NRXN3: variants seen among roughly 807,000 people sequenced by gnomAD.
NRXN3 encodes the protein neurexin 3, also known as neurexin III.
In NRXN3, 32 loss-of-function variants were observed where a neutral mutation model predicts 137.6. That is an observed-to-expected ratio of 0.23 (90% CI 0.18 to 0.31). The LOEUF (loss-of-function observed/expected upper bound fraction) is 0.31, where lower values mean the gene tolerates loss of function less well. NRXN3 is among the 10% of genes least tolerant of loss of function. The pLI is 1.00. For missense variants in NRXN3, 1,574 were observed against 2,062.5 expected (o/e 0.76, Z 4.59); for synonymous variants, 798 against 784.5 (o/e 1.02, Z -0.29).
chr14:78,279,569 A>C (rs995048444), intron 3 of NRXN3: 5 of 152,154 alleles, frequency 3.3e-5, no homozygotes, highest in Admixed American at 1.3e-4. Flanking sequence ...ATACGAGATA[A>C]GTATCATTAT....
intron 15 of NRXN3, among the ~76,000 whole-genome samples, chr14:79,215,390 GGT>G (rs981135727): frequency 2.1e-5 from 3 of 144,762 alleles, no homozygotes; most frequent in Non-Finnish European, 3.0e-5. Flanking sequence ...GTGGAGTTGG[GGT>G]GTGTGTGTGT....
intron 1 of NRXN3, among the ~76,000 whole-genome samples, chr14:78,196,180 C>T (rs902872172): frequency 1.1e-4 from 17 of 152,334 alleles, no homozygotes; most frequent in African/African-American, 3.6e-4. Context: ...CCTTCATCTC[C>T]GAGTACTGCC....
In NRXN3 at chr14:78,803,676, G is replaced by A; in HGVS notation, c.2101G>A (p.Val701Ile). Residue 701 changes from valine (V) to isoleucine (I), a missense_variant, in exon 9 of 21, where the codon GTC (valine) becomes ATC (isoleucine). By Grantham distance (29) the Val-to-Ile change is conservative (BLOSUM62 3). Around this residue, in one of 5 missense-constraint regions of NRXN3, gnomAD observed 718 missense variants for 887.6 expected, o/e 0.81. Transcript: ENST00000335750. ...GTACATGAAGATCATCATGCCCATG[G>A]TCATGCATACTGAGGCAGAGGATGT... ...SMYMKIIMPM[V>I]MHTEAEDVSF... The A allele has an allele frequency of 1.2e-6, 2 of 1,614,122 alleles. No homozygotes were observed. Among genetic ancestry groups the A allele is most frequent in the Non-Finnish European group, 1.7e-6 (2 of 1,180,008 alleles).
intron 4 of NRXN3, among the ~76,000 whole-genome samples, chr14:78,428,319 AT>A (rs1372061981): frequency 2.0e-5 from 3 of 152,130 alleles, no homozygotes; most frequent in African/African-American, 7.2e-5. Flanking sequence ...CTCTCCCCTA[AT>A]TCAACCCTAA....
chr14:79,722,715 A>G (rs1022115171), intron 19 of NRXN3, among the ~76,000 whole-genome samples: 13 of 152,186 alleles, frequency 8.5e-5, no homozygotes, highest in African/African-American at 2.6e-4. Context: ...ACTGTGTTCT[A>G]AGTGTCTTTT....
chr14:79,662,105 T>G (rs549091540), intron 16 of NRXN3, among the ~76,000 whole-genome samples: 13 of 152,280 alleles, frequency 8.5e-5, no homozygotes, highest in Admixed American at 4.6e-4. Flanking sequence ...GTGTTTGCTT[T>G]CCAGGCCCCC....
intron 8 of NRXN3, among the ~76,000 whole-genome samples, chr14:78,736,065 G>A (rs2098539810): frequency 6.6e-6 from 1 of 152,036 alleles, no homozygotes; most frequent in African/African-American, 2.4e-5. Context: ...GCAAACTAAG[G>A]TGCTTTCCAC....
Position 78,406,488 on chromosome 14 carries a change from T to C in NRXN3, c.757+108628T>C, listed in dbSNP as rs1373596835. Among the ~76,000 whole-genome samples the C allele has an allele frequency of 3.3e-5, 5 of 152,204 alleles. No homozygotes were observed. The East Asian group carries it at 9.7e-4, about 29-fold the overall frequency. ...TGTACCCTCTACTAAACAGCATAGG[T>C]AAGACTAATAGAGAATAAATTTTGC... is the stretch of plus-strand genomic sequence containing the variant. On this transcript the variant is annotated intron_variant, in intron 4 of 20. Transcript: ENST00000335750.
chr14:79,782,739 C>T (rs952045817), intron 19 of NRXN3, among the ~76,000 whole-genome samples: 12 of 152,010 alleles, frequency 7.9e-5, no homozygotes, highest in Admixed American at 2.6e-4. Context: ...TATGAGTTGA[C>T]AACATAGAGA....
intron 15 of NRXN3, among the ~76,000 whole-genome samples, chr14:79,100,683 A>G (rs1319184320): frequency 6.6e-6 from 1 of 152,212 alleles, no homozygotes; most frequent in African/African-American, 2.4e-5. Context: ...CTATCAGAAT[A>G]GGGCACCCCA....
intron 15 of NRXN3, among the ~76,000 whole-genome samples, chr14:79,054,670 T>C (rs993044164): frequency 6.6e-6 from 1 of 152,188 alleles, no homozygotes; most frequent in South Asian, 2.1e-4. Context: ...GTGTATAGCA[T>C]GAAGAATTTA....
intron 10 of NRXN3, among the ~76,000 whole-genome samples, chr14:78,864,934 T>C (rs1053951399): frequency 6.6e-6 from 1 of 152,188 alleles, no homozygotes; most frequent in Non-Finnish European, 1.5e-5. Flanking sequence ...TTGCTTTAGA[T>C]GAAAGTCAGA....
At chr14:78,990,208 G>T (rs868026186) in intron 15 of NRXN3, among the ~76,000 whole-genome samples, 8 of 152,208 alleles carry the variant, frequency 5.3e-5, no homozygotes, top group South Asian at 2.1e-4. Context: ...ATTTTATTCT[G>T]TAACAATGCA....
chr14:78,701,865 G>A lies in NRXN3; in HGVS notation c.1222-7352G>A, dbSNP rs142464832. Reference sequence around the variant, plus strand: ...TCCAGTTTTCTATTTTTGGTGCTTAGTGTTTTTGTCTTTGGCAGATCCTGA... The same window carrying A: ...TCCAGTTTTCTATTTTTGGTGCTTAATGTTTTTGTCTTTGGCAGATCCTGA... On this transcript the variant is annotated intron_variant, in intron 6 of 20. Coordinates refer to ENST00000335750, the MANE Select transcript of NRXN3 (RefSeq NM_001330195.2). 1.6e-4 allele frequency among the ~76,000 whole-genome samples: 24 copies of A among 152,294 alleles called. 1 individual carries two copies. In the East Asian group the frequency reaches 4.2e-3, roughly 27 times the overall value.
intron 3 of NRXN3, among the ~76,000 whole-genome samples, chr14:78,281,960 A>G (rs1001409688): frequency 6.6e-6 from 1 of 152,146 alleles, no homozygotes; most frequent in African/African-American, 2.4e-5. Flanking sequence ...CACAGAGCTT[A>G]ACCTCAAAAA....
chr14:79,694,261 C>T (rs2098726743), intron 18 of NRXN3, among the ~76,000 whole-genome samples: 1 of 151,910 alleles, frequency 6.6e-6, no homozygotes, highest in Non-Finnish European at 1.5e-5. Context: ...CAAAATAATA[C>T]TGCCTATTCC....
At chr14:78,467,652 CCACCTCTCTTCCT>C (rs1192146458) in intron 4 of NRXN3, among the ~76,000 whole-genome samples, 1 of 152,156 alleles carries the variant, frequency 6.6e-6, no homozygotes, top group African/African-American at 2.4e-5. Context: ...TGTATCAGGT[CCACCTCTCTTCCT>C]CACTGGCCCA....
chr14:78,476,030 G>A (rs79656728), intron 4 of NRXN3, among the ~76,000 whole-genome samples: 12,417 of 152,108 alleles, frequency 0.082, 726 homozygotes, highest in East Asian at 0.31. Flanking sequence ...ATAAAGCAAG[G>A]GAGGGGAATA....
intron 18 of NRXN3, among the ~76,000 whole-genome samples, chr14:79,696,163 G>A (rs139953912): frequency 6.6e-6 from 1 of 152,012 alleles, no homozygotes; most frequent in East Asian, 1.9e-4. Context: ...TTATACACCA[G>A]GAATTCAAGG....
Sources: gnomAD v4.1 joint callset for allele counts (sites outside exome capture counted in the v4.1 genomes callset) on GRCh38, gnomAD v4.1.1 for gene constraint, gnomAD v4.1.1 regional missense constraint, MANE v1.5 for transcripts, NCBI Gene and HGNC (gene_info 2026-07-23, HGNC 2026-07-21) for gene names.